ALCAM: variants seen among roughly 807,000 people sequenced by gnomAD.
ALCAM encodes activated leukocyte cell adhesion molecule.
ALCAM carries 30 observed loss-of-function variants against 70.9 expected under a neutral mutation model. The ratio of observed to expected loss-of-function variants is 0.42; its 90% confidence interval spans 0.32 to 0.57. The LOEUF (loss-of-function observed/expected upper bound fraction) is 0.57. Among genes scored for constraint, ALCAM ranks in the 20% least tolerant of loss-of-function variants. The pLI is 0.11. For missense variants in ALCAM, 591 were observed against 695.1 expected (o/e 0.85, Z 1.68); for synonymous variants, 249 against 242.5 (o/e 1.03, Z -0.25).
rs1276775023 is a variant in ALCAM at position 105,490,552 on chromosome 3, T to C, written c.74-29515T>C. Among the ~76,000 whole-genome samples the C allele has an allele frequency of 3.3e-5, 5 of 152,212 alleles. No homozygotes were observed. The South Asian group carries it at 8.3e-4, about 25-fold the overall frequency. ...GTATGTATGTGTGTGTGTCTGTGCATGTGTGTTGTTTGTGTGCTGTTTGGG... is the reference window on the plus strand; with the variant it reads ...GTATGTATGTGTGTGTGTCTGTGCACGTGTGTTGTTTGTGTGCTGTTTGGG... On this transcript the variant is annotated intron_variant, in intron 1 of 15. Coordinates refer to ENST00000306107, the MANE Select transcript of ALCAM (RefSeq NM_001627.4).
chr3:105,574,461 T>C lies in ALCAM; in HGVS notation c.*26-16T>C, dbSNP rs981339047. On this transcript the variant is annotated splice_polypyrimidine_tract_variant and intron_variant, in intron 15 of 15. Coordinates refer to ENST00000306107, the MANE Select transcript of ALCAM (RefSeq NM_001627.4). ...TGCTTTGGAAGCTTATCTAAATTAT[T>C]TTTTTTTCATTTCAGAGATAAAAAT... The C allele has an allele frequency of 1.8e-5, 2 of 111,240 alleles. No individual in the cohort carries two copies. Among genetic ancestry groups the C allele is most frequent in the African/African-American group, 6.4e-5 (2 of 31,186 alleles). 6.9% of individuals were successfully genotyped at this position (111,240 alleles called of 1,614,324 possible). A position where few individuals can be genotyped will look rare whatever the true frequency, so the allele number is the denominator to read the frequency against.
chr3:105,397,698 C>T lies in ALCAM; in HGVS notation c.73+30217C>T, dbSNP rs569067425. Among the ~76,000 whole-genome samples the T allele has an allele frequency of 1.3e-4, 20 of 152,048 alleles. No homozygotes were observed. The East Asian group carries it at 3.3e-3, about 25-fold the overall frequency. ...ATTTACGTATAATGATTGTCACATACCTTTTTAAAGAACACTTTGTTTTCC... is the reference window on the plus strand; with the variant it reads ...ATTTACGTATAATGATTGTCACATATCTTTTTAAAGAACACTTTGTTTTCC... On this transcript the variant is annotated intron_variant, in intron 1 of 15. Coordinates refer to ENST00000306107, the MANE Select transcript of ALCAM (RefSeq NM_001627.4).
chr3:105,479,574 G>A (rs770360571), intron 1 of ALCAM, among the ~76,000 whole-genome samples: 16 of 152,138 alleles, frequency 1.1e-4, no homozygotes, highest in Admixed American at 2.0e-4. Context: ...GAGAGACAAC[G>A]AGCTTCAGAC....
chr3:105,425,540 A>T lies in ALCAM; in HGVS notation c.73+58059A>T, dbSNP rs920537201. Among the ~76,000 whole-genome samples the T allele has an allele frequency of 3.9e-5, 6 of 151,970 alleles. No individual in the cohort carries two copies. The South Asian group carries it at 1.2e-3, about 32-fold the overall frequency. On this transcript the variant is annotated intron_variant, in intron 1 of 15. Transcript: ENST00000306107. ...ACAAAAATTAAATAGATTGCACTGT[A>T]AAAATCATATAATTACTCCTGTAAA... is the stretch of plus-strand genomic sequence containing the variant.
At chr3:105,539,937 T>G (rs756307491) in intron 6 of ALCAM, 38 bp from the exon 7 acceptor site, 2 of 1,607,494 alleles carry the variant, frequency 1.2e-6, no homozygotes. Flanking sequence ...ATTCGGTACT[T>G]GACAAAAATG....
At chr3:105,438,423 C>A (rs1291264609) in intron 1 of ALCAM, among the ~76,000 whole-genome samples, 2 of 151,852 alleles carry the variant, frequency 1.3e-5, no homozygotes, top group Non-Finnish European at 2.9e-5. Context: ...TTTAAAAAGT[C>A]TCAGAAAAAC....
intron 1 of ALCAM, among the ~76,000 whole-genome samples, chr3:105,405,619 A>G (rs558716376): frequency 6.6e-6 from 1 of 152,234 alleles, no homozygotes; most frequent in Non-Finnish European, 1.5e-5. Context: ...TCATCAGCAC[A>G]TGGAACATTC....
rs545077175 is a variant in ALCAM, at chr3:105,382,891, G to A, written c.73+15410G>A. 4.6e-5 allele frequency among the ~76,000 whole-genome samples: 7 copies of A among 151,754 alleles called. No homozygotes were observed. In the South Asian group the frequency reaches 6.2e-4, roughly 14 times the overall value. On this transcript the variant is annotated intron_variant, in intron 1 of 15. Coordinates refer to ENST00000306107, the MANE Select transcript of ALCAM (RefSeq NM_001627.4). The stretch of plus-strand genomic sequence containing the variant: ...ATAACTGCTCTGCTTCAAATACTTC[G>A]GACACTTCCCAATATAGTCAGGGTA...
At chr3:105,483,118 A>G (rs1938318051) in intron 1 of ALCAM, among the ~76,000 whole-genome samples, 1 of 152,128 alleles carries the variant, frequency 6.6e-6, no homozygotes. Context: ...AACTTGGGGA[A>G]ATTTACCTCT....
chr3:105,379,476 C>CA (rs565271715), intron 1 of ALCAM, among the ~76,000 whole-genome samples: 156 of 149,508 alleles, frequency 1.0e-3, no homozygotes, highest in African/African-American at 3.7e-3. Context: ...TAATTTTCCA[C>CA]AAAAAAAAGA....
At chr3:105,386,372 C>T (rs1430241314) in intron 1 of ALCAM, among the ~76,000 whole-genome samples, 1 of 151,594 alleles carries the variant, frequency 6.6e-6, no homozygotes, top group Non-Finnish European at 1.5e-5. Context: ...TAGAAATACT[C>T]AAGGCTGGCA....
At chr3:105,557,556 A>T (rs1388747467) in intron 14 of ALCAM, among the ~76,000 whole-genome samples, 2 of 152,132 alleles carry the variant, frequency 1.3e-5, no homozygotes, top group African/African-American at 4.8e-5. Flanking sequence ...CTTGTTTTAA[A>T]TATATTTTCC....
chr3:105,421,016 T>C (rs1936638598), intron 1 of ALCAM, among the ~76,000 whole-genome samples: 1 of 151,542 alleles, frequency 6.6e-6, no homozygotes, highest in Non-Finnish European at 1.5e-5. Flanking sequence ...TTTTTAAGCA[T>C]TGGTAACCTG....
chr3:105,534,634 C>T, intron 5 of ALCAM, 29 bp from the exon 6 acceptor site: 2 of 1,600,720 alleles, frequency 1.2e-6, no homozygotes, highest in South Asian at 2.2e-5. Context: ...ATGAAAGACC[C>T]TATCATCAGT....
At chr3:105,537,004 T>G (rs1181527763) in intron 6 of ALCAM, among the ~76,000 whole-genome samples, 1 of 152,040 alleles carries the variant, frequency 6.6e-6, no homozygotes, top group African/African-American at 2.4e-5. Flanking sequence ...ATCTGAGGAC[T>G]ACGAGTGGAG....
chr3:105,477,219 A>G (rs577809812), intron 1 of ALCAM, among the ~76,000 whole-genome samples: 1 of 152,092 alleles, frequency 6.6e-6, no homozygotes, highest in African/African-American at 2.4e-5. Context: ...TCCCTTTTAT[A>G]TTTACCCACA....
chr3:105,380,207 T>C (rs1935484808), intron 1 of ALCAM, among the ~76,000 whole-genome samples: 1 of 151,880 alleles, frequency 6.6e-6, no homozygotes. Context: ...TAATCCCAAA[T>C]TGTATTTTCA....
At chr3:105,471,226 T>C (rs563361571) in intron 1 of ALCAM, among the ~76,000 whole-genome samples, 1 of 151,526 alleles carries the variant, frequency 6.6e-6, no homozygotes, top group South Asian at 2.1e-4. Flanking sequence ...AAATTTTTTA[T>C]TGTTCAGTAA....
chr3:105,444,358 A>T (rs1937248145), intron 1 of ALCAM, among the ~76,000 whole-genome samples: 1 of 152,164 alleles, frequency 6.6e-6, no homozygotes, highest in Non-Finnish European at 1.5e-5. Context: ...GAGAGAGATA[A>T]CAAGCAAGAG....
Sources: gnomAD v4.1 joint callset for allele counts (sites outside exome capture counted in the v4.1 genomes callset) on GRCh38, gnomAD v4.1.1 for gene constraint, MANE v1.5 for transcripts, NCBI Gene and HGNC (gene_info 2026-07-23, HGNC 2026-07-21) for gene names.